The following USP53 variants were observed in gnomAD, a reference collection of about 807,000 sequenced individuals.
The protein encoded by USP53 is ubiquitin carboxyl-terminal hydrolase 53.
A neutral mutation model predicts 94.9 loss-of-function variants in USP53; 71 were observed. That is an observed-to-expected ratio of 0.75 (90% CI 0.62 to 0.91). The LOEUF is 0.91. USP53 is among the 40% of genes least tolerant of loss of function. The pLI is 0.00. For missense variants in USP53, 1,173 were observed against 1,281.0 expected, an observed-to-expected ratio of 0.92 and a Z score of 1.29; for synonymous variants, 375 against 422.7, an observed-to-expected ratio of 0.89 and a Z score of 1.39.
At position 119,260,663 on chromosome 4, in the gene USP53, CT is replaced by C. The variant is rs1240181527; in HGVS notation, c.822+11del. ...TCTTTATCTTCCTGGGGTATCTTAT[CT>C]ATTTTCATTCCCTTCCCTTTTATTT... On this transcript the variant is annotated intron_variant, in intron 11 of 18. Coordinates refer to ENST00000692078, the MANE Select transcript of USP53 (RefSeq NM_001371395.1). 13 of 1,610,870 alleles carry C rather than the reference CT, an allele frequency of 8.1e-6. No homozygotes were observed. In the East Asian group the frequency reaches 2.9e-4, roughly 36 times the overall value.
chr4:119,261,951 G>T, intron 12 of USP53, 87 bp downstream of exon 12: 1 of 1,088,054 alleles, frequency 9.2e-7, no homozygotes. Context: ...TATTCAAAAG[G>T]ATGATATAAT....
At chr4:119,266,357 A>G (rs539367367) in intron 12 of USP53, 1 of 456,214 alleles carries the variant, frequency 2.2e-6, no homozygotes, top group African/African-American at 2.0e-5. Flanking sequence ...TAACTTTACA[A>G]GAAACTGTCA....
Position 119,269,725 on chromosome 4 carries a change from A to G in USP53, c.1323A>G (p.Ile441Met), listed in dbSNP as rs192666461. Residue 441 changes from isoleucine (I) to methionine (M), a missense_variant, in exon 15 of 19, where the codon ATA (isoleucine) becomes ATG (methionine). Transcript: ENST00000692078. ...GTCACATTGATCAAAGGGAAAAGAT[A>G]AAAGACATTTCCAGAGAATGTGCTC... ...KLSHIDQREK[I>M]KDISRECALK... is the part of the protein sequence containing the mutation. 94 of 1,499,030 alleles carry G rather than the reference A, an allele frequency of 6.3e-5. No homozygotes were observed. The highest frequency in any genetic ancestry group is 8.2e-5 in the Non-Finnish European group (92 of 1,126,542). The allele number at this position is 1,499,030 out of a possible 1,614,324, so 92.9% of individuals were successfully genotyped here.
Position 119,268,438 on chromosome 4 carries a change from C to A in USP53, c.1288+18C>A. ...AGGACCAGGTATGTGTTTAAATTGTCATTTTTACATAGTTCCAAGTGAGTG... is the reference window on the plus strand; with the variant it reads ...AGGACCAGGTATGTGTTTAAATTGTAATTTTTACATAGTTCCAAGTGAGTG... On this transcript the variant is annotated intron_variant, in intron 14 of 18. Transcript: ENST00000692078. 6.3e-7 allele frequency: 1 copy of A among 1,589,744 alleles called. No individual in the cohort carries two copies. Among genetic ancestry groups the A allele is most frequent in the South Asian group, 1.1e-5 (1 of 87,610 alleles).
rs879040946 is a variant in USP53, at chr4:119,293,168, C to A, written c.3179C>A (p.Ser1060Tyr). 9 of 1,610,974 alleles carry A rather than the reference C, an allele frequency of 5.6e-6. No homozygotes were observed. Among genetic ancestry groups the A allele is most frequent in the South Asian group, 2.2e-5 (2 of 90,862 alleles). Reference protein sequence around the residue: ...RLKYHQRPKLSFPESSGFCNN... With the variant: ...RLKYHQRPKLYFPESSGFCNN... Reference sequence around the variant, plus strand: ...AAATACCATCAGAGGCCCAAGCTCTCTTTTCCAGAGAGCAGTGGCTTTTGT... The same window carrying A: ...AAATACCATCAGAGGCCCAAGCTCTATTTTCCAGAGAGCAGTGGCTTTTGT... The change falls in exon 19 of 19, where the codon TCT (serine) becomes TAT (tyrosine). Residue 1060 changes from serine to tyrosine, a missense_variant. Ser to Tyr is a moderately radical substitution (Grantham distance 144). Coordinates refer to ENST00000692078, the MANE Select transcript of USP53 (RefSeq NM_001371395.1).
chr4:119,292,833 T>TAA lies in USP53; in HGVS notation c.2845_2846insAA (p.Thr949LysfsTer16), dbSNP rs1561367815. The stretch of plus-strand genomic sequence containing the variant: ...GCGAATCTACACCTGATGTCAAACT[T>TAA]ACAGAGGTGTTTAAAGCTACCTCTC... On this transcript the variant is annotated frameshift_variant, in exon 19 of 19. Transcript: ENST00000692078. LOFTEE classifies it low-confidence loss of function (END_TRUNC). The TAA allele has an allele frequency of 6.2e-7, 1 of 1,614,094 alleles. No homozygotes were observed. Among genetic ancestry groups the TAA allele is most frequent in the Non-Finnish European group, 8.5e-7 (1 of 1,179,976 alleles).
chr4:119,291,144 C>A, intron 17 of USP53, 21 bp from the exon 18 acceptor site: 6 of 681,954 alleles, frequency 8.8e-6, no homozygotes, highest in Non-Finnish European at 1.2e-5. Flanking sequence ...CATCTCTTCT[C>A]CCCACCCCAC....
Position 119,291,161 on chromosome 4 carries a change from C to G in USP53, c.2252-4C>G, listed in dbSNP as rs998423718. 30 of 1,498,632 alleles carry G rather than the reference C, an allele frequency of 2.0e-5. No homozygotes were observed. The highest frequency in any genetic ancestry group is 2.6e-5 in the Non-Finnish European group (29 of 1,103,542). The allele number at this position is 1,498,632 out of a possible 1,614,324, so 92.8% of individuals were successfully genotyped here. ...TCTCTTCTCCCCACCCCACCCAACC[C>G]TAGGCTTTAGAAAAGAACTCAGGAA... On this transcript the variant is annotated splice_region_variant and splice_polypyrimidine_tract_variant and intron_variant, in intron 17 of 18. Coordinates refer to ENST00000692078, the MANE Select transcript of USP53 (RefSeq NM_001371395.1).
chr4:119,262,169 C>T (rs374497080), intron 12 of USP53, among the ~76,000 whole-genome samples: 3 of 152,112 alleles, frequency 2.0e-5, no homozygotes, highest in East Asian at 3.8e-4. Flanking sequence ...TTGCCTGACG[C>T]ATACTTGCTA....
At chr4:119,274,113 T>G (rs1461665158) in intron 17 of USP53, among the ~76,000 whole-genome samples, 1 of 151,214 alleles carries the variant, frequency 6.6e-6, no homozygotes, top group Non-Finnish European at 1.5e-5. Flanking sequence ...ATTTTTTTAT[T>G]ATACTTTAAG....
chr4:119,237,651 C>A (rs1371806475), intron 4 of USP53, among the ~76,000 whole-genome samples: 1 of 152,098 alleles, frequency 6.6e-6, no homozygotes, highest in Non-Finnish European at 1.5e-5. Context: ...CATCTTCTTC[C>A]ATCTGTCAAT....
At chr4:119,273,384 T>C (rs1200464002) in intron 16 of USP53, 4 of 326,262 alleles carry the variant, frequency 1.2e-5, no homozygotes, top group Non-Finnish European at 2.3e-5. Flanking sequence ...CCTAGGGTAG[T>C]AGAAAGATCA....
chr4:119,274,253 C>A (rs1009982485), intron 17 of USP53, among the ~76,000 whole-genome samples: 33 of 124,414 alleles, frequency 2.7e-4, no homozygotes, highest in South Asian at 2.9e-4. Flanking sequence ...CCCCCTCCCC[C>A]CACCCCACCG....
At chr4:119,242,204 T>A (rs1747639015) in intron 5 of USP53, among the ~76,000 whole-genome samples, 1 of 152,208 alleles carries the variant, frequency 6.6e-6, no homozygotes, top group African/African-American at 2.4e-5. Context: ...TCAGTTACTT[T>A]TTTTGTTGTT....
chr4:119,249,009 C>T (rs1429031670), intron 7 of USP53, 127 bp downstream of exon 7: 2 of 1,121,266 alleles, frequency 1.8e-6, no homozygotes, highest in Non-Finnish European at 2.5e-6. Context: ...TCCAGTAGAT[C>T]CATATCTTAC....
intron 17 of USP53, among the ~76,000 whole-genome samples, chr4:119,289,248 C>T (rs768087018): frequency 6.6e-6 from 1 of 152,088 alleles, no homozygotes; most frequent in East Asian, 1.9e-4. Context: ...TTTCATCAAG[C>T]ATTCTTTAAG....
At chr4:119,263,899 G>A (rs965742526) in intron 12 of USP53, among the ~76,000 whole-genome samples, 7 of 151,972 alleles carry the variant, frequency 4.6e-5, no homozygotes, top group Non-Finnish European at 1.0e-4. Flanking sequence ...GTGAAACCCC[G>A]TCTCTTCTAA....
At chr4:119,288,927 A>C (rs575237336) in intron 17 of USP53, among the ~76,000 whole-genome samples, 2 of 134,416 alleles carry the variant, frequency 1.5e-5, no homozygotes, top group South Asian at 2.5e-4. Context: ...AACAAGAGCG[A>C]AACTCTGTCT....
chr4:119,271,789 A>G lies in USP53; in HGVS notation c.1929A>G (p.Glu643=), dbSNP rs1249755121. 13 of 1,612,530 alleles carry G rather than the reference A, an allele frequency of 8.1e-6. No homozygotes were observed. Among genetic ancestry groups the G allele is most frequent in the Non-Finnish European group, 1.1e-5 (13 of 1,179,716 alleles). ...AAAAAGGTTTAATGACCATATATGA[A>G]GATGAAATGAAGCAGGAAATAGGAA... The part of the protein sequence containing the change: ...PKQKGLMTIY[E]DEMKQEIGSR... The change falls in exon 16 of 19, where the codon GAA becomes GAG. Residue 643 remains glutamate, a synonymous_variant. Transcript: ENST00000692078.
Sources: allele counts gnomAD v4.1 joint callset (sites outside exome capture counted in the v4.1 genomes callset), GRCh38; gene constraint gnomAD v4.1.1; transcripts MANE v1.5; gene names NCBI Gene and HGNC (gene_info 2026-07-23, HGNC 2026-07-21).